The following EFCAB6 variants were observed in gnomAD, a reference collection of about 807,000 sequenced individuals.
EFCAB6 encodes the protein EF-hand calcium binding domain 6.
Under a neutral mutation model 169.8 loss-of-function variants are expected in EFCAB6, and 156 were observed. The ratio of observed to expected loss-of-function variants is 0.92; its 90% CI spans 0.81 to 1.05. The LOEUF is 1.05. Ranked by LOEUF, EFCAB6 falls within the 50% of genes least tolerant of loss-of-function variation. The pLI is 0.00. For synonymous variants in EFCAB6, 698 were observed against 676.4 expected (o/e 1.03, Z -0.50); for missense variants, 1,800 against 1,829.1 (o/e 0.98, Z 0.29).
At chr22:43,534,957 CCTT>C in intron 29 of EFCAB6, 85 bp from the exon 30 acceptor site, 1 of 1,401,674 alleles carries the variant, frequency 7.1e-7, no homozygotes, top group South Asian at 1.4e-5. Context: ...TGCTGAGACA[CCTT>C]CTCTGCTTCA....
intron 10 of EFCAB6, among the ~76,000 whole-genome samples, chr22:43,695,213 A>G (rs1285274154): frequency 2.0e-5 from 3 of 152,036 alleles, no homozygotes; most frequent in African/African-American, 7.2e-5. Context: ...ATAGCCATAA[A>G]TCGTTGGAAA....
intron 20 of EFCAB6, among the ~76,000 whole-genome samples, 159 bp downstream of exon 20, chr22:43,626,288 T>C (rs192344816): frequency 8.5e-5 from 13 of 152,308 alleles, no homozygotes; most frequent in African/African-American, 3.1e-4. Context: ...TGTTCTACAC[T>C]GAGTGCATAT....
intron 24 of EFCAB6, among the ~76,000 whole-genome samples, chr22:43,587,663 C>G (rs749546093): frequency 2.4e-4 from 36 of 152,200 alleles, no homozygotes; most frequent in Non-Finnish European, 4.7e-4. Flanking sequence ...CCAGATAATC[C>G]AGGCTCATCT....
chr22:43,765,214 G>T, intron 5 of EFCAB6, 91 bp downstream of exon 5: 3 of 914,376 alleles, frequency 3.3e-6, no homozygotes, highest in Non-Finnish European at 5.3e-6. Context: ...ATATATAGCT[G>T]TTGATATGAT....
At position 43,777,565 on chromosome 22, in the gene EFCAB6, C is replaced by T. The variant is rs574976182; in HGVS notation, c.140-4462G>A. ...GCAGCTGATTCACACACAGCAGCTG[C>T]GTGCTTCAGTATCAGCCAGTGAGCA... is the stretch of plus-strand genomic sequence containing the variant. On this transcript the variant is annotated intron_variant, in intron 3 of 31. Coordinates refer to ENST00000262726, the MANE Select transcript of EFCAB6 (RefSeq NM_022785.4). Among the ~76,000 whole-genome samples the T allele has an allele frequency of 5.3e-5, 8 of 152,316 alleles. No homozygotes were observed. In the South Asian group the frequency reaches 8.3e-4, roughly 16 times the overall value.
rs1450251858 is a variant in EFCAB6 at position 43,711,499 on chromosome 22, C to A, written c.1007G>T (p.Arg336Ile). 2 of 1,581,900 alleles carry A rather than the reference C, an allele frequency of 1.3e-6. No individual in the cohort carries two copies. Among genetic ancestry groups the A allele is most frequent in the African/African-American group, 1.4e-5 (1 of 72,586 alleles). The change falls in exon 10 of 32, where the codon AGA (arginine) becomes ATA (isoleucine). Residue 336 changes from arginine (R) to isoleucine (I), a missense_variant. Physicochemically the swap from Arg to Ile is moderately conservative, Grantham distance 97. Coordinates refer to ENST00000262726, the MANE Select transcript of EFCAB6 (RefSeq NM_022785.4). ...LDTFVYQIPR[R>I]IFIQLMKRFG... is the part of the protein sequence containing the mutation. ...CCTTTTCATTAACTGGATAAAAATT[C>A]TTCTTGGTATTTGGTATACAAAAGT...
At chr22:43,573,192 A>G (rs2050005035) in intron 26 of EFCAB6, among the ~76,000 whole-genome samples, 1 of 152,226 alleles carries the variant, frequency 6.6e-6, no homozygotes. Flanking sequence ...AAGAAACAGC[A>G]AAAAAACAAA....
At chr22:43,651,737 A>G (rs1602967379) in intron 17 of EFCAB6, among the ~76,000 whole-genome samples, 1 of 152,246 alleles carries the variant, frequency 6.6e-6, no homozygotes, top group African/African-American at 2.4e-5. Flanking sequence ...GCCCAAGACC[A>G]TGGGAACCCA....
chr22:43,556,496 T>C (rs1423516229), intron 26 of EFCAB6, among the ~76,000 whole-genome samples: 1 of 152,134 alleles, frequency 6.6e-6, no homozygotes, highest in African/African-American at 2.4e-5. Flanking sequence ...GGCTGTGAGC[T>C]TTGATACCAG....
At chr22:43,653,801 C>CTT (rs2056602526) in intron 17 of EFCAB6, among the ~76,000 whole-genome samples, 1 of 152,056 alleles carries the variant, frequency 6.6e-6, no homozygotes, top group Admixed American at 6.6e-5. Flanking sequence ...AGGGGGAGGG[C>CTT]GCACTTTCAT....
chr22:43,651,895 C>T (rs888834361), intron 17 of EFCAB6, among the ~76,000 whole-genome samples: 1 of 152,204 alleles, frequency 6.6e-6, no homozygotes, highest in Non-Finnish European at 1.5e-5. Context: ...TTTTGAATGG[C>T]TGTATTTACC....
rs74766748 is a variant in EFCAB6, at chr22:43,706,403, C to T, written c.1031+5072G>A. Among the ~76,000 whole-genome samples the T allele has an allele frequency of 2.9e-3, 449 of 152,296 alleles. 2 individuals carry two copies. The highest frequency in any genetic ancestry group is 0.01 in the African/African-American group (420 of 41,564). On this transcript the variant is annotated intron_variant, in intron 10 of 31. Coordinates refer to ENST00000262726, the MANE Select transcript of EFCAB6 (RefSeq NM_022785.4). ...TCCCCTGCTGATTCTTTCCAGAGCA[C>T]GAATCACATTGCATATTCTAGCTCA...
chr22:43,647,371 G>C (rs958027317), intron 17 of EFCAB6, among the ~76,000 whole-genome samples: 1 of 152,180 alleles, frequency 6.6e-6, no homozygotes, highest in Non-Finnish European at 1.5e-5. Flanking sequence ...AAATATATTT[G>C]TATTGAAGAA....
At chr22:43,626,964 C>A (rs1211440913) in intron 19 of EFCAB6, among the ~76,000 whole-genome samples, 1 of 152,164 alleles carries the variant, frequency 6.6e-6, no homozygotes, top group Admixed American at 6.5e-5. Context: ...CTTCCACACT[C>A]TCGGTTTGTG....
intron 8 of EFCAB6, among the ~76,000 whole-genome samples, chr22:43,729,277 T>C (rs570992479): frequency 2.6e-5 from 4 of 152,292 alleles, no homozygotes; most frequent in East Asian, 3.9e-4. Flanking sequence ...TTTTTTTAAA[T>C]AGAGACAGGG....
intron 21 of EFCAB6, among the ~76,000 whole-genome samples, chr22:43,613,221 TTACA>T (rs1026380418): frequency 1.3e-5 from 2 of 148,636 alleles, no homozygotes; most frequent in Admixed American, 1.3e-4. Context: ...AATATATTTG[TTACA>T]TAAATATATT....
intron 12 of EFCAB6, among the ~76,000 whole-genome samples, chr22:43,683,457 C>T (rs2058078185): frequency 6.6e-6 from 1 of 152,174 alleles, no homozygotes; most frequent in South Asian, 2.1e-4. Context: ...GATGATCAGT[C>T]ACTGCAACTA....
At chr22:43,799,975 A>G (rs2062645594) in intron 2 of EFCAB6, among the ~76,000 whole-genome samples, 1 of 152,174 alleles carries the variant, frequency 6.6e-6, no homozygotes, top group African/African-American at 2.4e-5. Context: ...CAGGAGACCT[A>G]TCCCTGCCTT....
At chr22:43,773,782 G>A (rs1381960740) in intron 3 of EFCAB6, among the ~76,000 whole-genome samples, 1 of 152,254 alleles carries the variant, frequency 6.6e-6, no homozygotes, top group East Asian at 1.9e-4. Context: ...GGGAGGCTGA[G>A]GTTGCGGTGA....
Sources: gnomAD v4.1 joint callset for allele counts (sites outside exome capture counted in the v4.1 genomes callset) on GRCh38, gnomAD v4.1.1 for gene constraint, MANE v1.5 for transcripts, NCBI Gene and HGNC (gene_info 2026-07-23, HGNC 2026-07-21) for gene names.